The following RNPEP variants were observed in gnomAD, a reference collection of about 807,000 sequenced individuals.
The protein encoded by RNPEP is aminopeptidase B.
Under a neutral mutation model 70.1 loss-of-function variants are expected in RNPEP, and 57 were observed. That is an observed-to-expected ratio of 0.81 (90% confidence interval 0.66 to 1.01). The LOEUF is 1.01. Among genes scored for constraint, RNPEP ranks in the 50% least tolerant of loss-of-function variants. RNPEP has a pLI of 0.00. For missense variants in RNPEP, 787 were observed against 852.4 expected (o/e 0.92, Z 0.96); for synonymous variants, 335 against 357.4 (o/e 0.94, Z 0.71).
Position 201,996,020 on chromosome 1 carries a change from G to C in RNPEP, c.738-127G>C, listed in dbSNP as rs115106533. On this transcript the variant is annotated intron_variant, in intron 3 of 10. Coordinates refer to ENST00000295640, the MANE Select transcript of RNPEP (RefSeq NM_020216.4). ...GTGTGGTGATCCGATCTTGCACTCC[G>C]TCACTGTGGCTGACTGCATTGTCAC... 1,029 of 687,466 alleles carry C rather than the reference G, an allele frequency of 1.5e-3. 11 individuals are homozygous for C. In the African/African-American group the frequency reaches 0.016, roughly 11 times the overall value. The allele number at this position is 687,466 out of a possible 1,614,324, so 42.6% of individuals were successfully genotyped here.
intron 3 of RNPEP, among the ~76,000 whole-genome samples, chr1:201,994,733 C>G (rs1683480814): frequency 6.7e-6 from 1 of 149,162 alleles, no homozygotes; most frequent in African/African-American, 2.5e-5. Context: ...ATGGTGCAAT[C>G]TTGGCTCCCC....
chr1:202,000,259 C>T, intron 6 of RNPEP: 1 of 398,870 alleles, frequency 2.5e-6, no homozygotes, highest in Non-Finnish European at 4.5e-6. Context: ...TTTGCATTTG[C>T]ACAAGTCCAT....
chr1:201,998,259 A>AAATTAT (rs1683644622), intron 5 of RNPEP, among the ~76,000 whole-genome samples: 1 of 113,726 alleles, frequency 8.8e-6, no homozygotes, highest in African/African-American at 3.5e-5. Context: ...TTTGAGACAG[A>AAATTAT]GTCTTGTTCT....
At chr1:202,005,396 GAA>G (rs1684016250) in intron 10 of RNPEP, among the ~76,000 whole-genome samples, 160 bp from the exon 11 acceptor site, 1 of 152,180 alleles carries the variant, frequency 6.6e-6, no homozygotes, top group Non-Finnish European at 1.5e-5. Flanking sequence ...GAAGATGCCT[GAA>G]TTAGAGCACT....
chr1:201,989,372 T>G lies in RNPEP; in HGVS notation c.589-11T>G. 1.2e-6 allele frequency: 2 copies of G among 1,612,808 alleles called. No homozygotes were observed. The highest frequency in any genetic ancestry group is 1.7e-6 in the Non-Finnish European group (2 of 1,179,618). Reference sequence around the variant, plus strand: ...TCCAGGTAAAATCTCCTAAGCTTTCTCTGTTGTCAGGTCCCAGATGGCTTC... The same window carrying G: ...TCCAGGTAAAATCTCCTAAGCTTTCGCTGTTGTCAGGTCCCAGATGGCTTC... On this transcript the variant is annotated splice_polypyrimidine_tract_variant and intron_variant, in intron 2 of 10. Coordinates refer to ENST00000295640, the MANE Select transcript of RNPEP (RefSeq NM_020216.4).
chr1:201,983,830 G>T, intron 1 of RNPEP: 1 of 1,046,052 alleles, frequency 9.6e-7, no homozygotes, highest in Non-Finnish European at 1.2e-6. Flanking sequence ...GTCTGTAAGA[G>T]TCAGAAAATC....
intron 1 of RNPEP, among the ~76,000 whole-genome samples, chr1:201,988,179 G>T (rs558459233): frequency 2.6e-5 from 4 of 151,044 alleles, no homozygotes; most frequent in Non-Finnish European, 5.9e-5. Flanking sequence ...TGTATATTAG[G>T]CTGAGCATGA....
intron 1 of RNPEP, among the ~76,000 whole-genome samples, chr1:201,984,845 T>C (rs867394295): frequency 0.037 from 4,810 of 130,232 alleles, 560 homozygotes; most frequent in African/African-American, 0.11. Context: ...TTTTTTTTTT[T>C]TTTTTTTTTT....
At chr1:201,991,619 G>C (rs79486142) in intron 3 of RNPEP, among the ~76,000 whole-genome samples, 1,950 of 152,332 alleles carry the variant, frequency 0.013, 51 homozygotes, top group African/African-American at 0.044. Flanking sequence ...AGGCTGTGGT[G>C]AGTGGCTTGT....
Position 201,989,611 on chromosome 1 carries a change from G to A in RNPEP, c.737+80G>A. 2.7e-6 allele frequency: 4 copies of A among 1,503,950 alleles called. No homozygotes were observed. In the Admixed American group the frequency reaches 5.4e-5, roughly 20 times the overall value. The allele number at this position is 1,503,950 out of a possible 1,614,324, so 93.2% of individuals were successfully genotyped here. On this transcript the variant is annotated intron_variant, in intron 3 of 10. Coordinates refer to ENST00000295640, the MANE Select transcript of RNPEP (RefSeq NM_020216.4). Reference sequence around the variant, plus strand: ...ACTCTGACCAGTGGACCTGCTGGGGGGGTTCTTGGGCAGTCTTGGATCCTC... The same window carrying A: ...ACTCTGACCAGTGGACCTGCTGGGGAGGTTCTTGGGCAGTCTTGGATCCTC...
intron 1 of RNPEP, among the ~76,000 whole-genome samples, chr1:201,986,536 C>CTTTTT (rs374147270): frequency 3.7e-5 from 3 of 80,590 alleles, no homozygotes. Context: ...CATTTTCTTT[C>CTTTTT]TTTTTTTTTT....
At chr1:201,992,014 G>A (rs907513428) in intron 3 of RNPEP, among the ~76,000 whole-genome samples, 3 of 151,544 alleles carry the variant, frequency 2.0e-5, no homozygotes, top group African/African-American at 2.4e-5. Context: ...GGTTTCTTGT[G>A]CCTTTCTCCC....
intron 1 of RNPEP, among the ~76,000 whole-genome samples, chr1:201,984,123 A>C (rs1262399916): frequency 2.6e-5 from 4 of 152,010 alleles, no homozygotes; most frequent in African/African-American, 9.7e-5. Flanking sequence ...GTAGAGACAA[A>C]ATTTCACCAT....
At chr1:201,985,537 A>T (rs1683103070) in intron 1 of RNPEP, among the ~76,000 whole-genome samples, 1 of 152,190 alleles carries the variant, frequency 6.6e-6, no homozygotes, top group Non-Finnish European at 1.5e-5. Context: ...GACTACAAGC[A>T]TGAGCCAACA....
At chr1:202,004,296 A>C in intron 9 of RNPEP, 58 bp from the exon 10 acceptor site, 1 of 1,587,554 alleles carries the variant, frequency 6.3e-7, no homozygotes, top group Non-Finnish European at 8.6e-7. Context: ...CCAAAATTCT[A>C]GTATTACAGG....
intron 3 of RNPEP, among the ~76,000 whole-genome samples, chr1:201,993,883 G>T (rs4950812): frequency 0.95 from 144,848 of 151,758 alleles, 69,205 homozygotes; most frequent in East Asian, 1. Context: ...GCATGTATAC[G>T]CACTGGCTGC....
At chr1:201,985,174 C>T (rs1397566716) in intron 1 of RNPEP, among the ~76,000 whole-genome samples, 3 of 142,144 alleles carry the variant, frequency 2.1e-5, no homozygotes. Flanking sequence ...GCCTGGGTGA[C>T]ACAGCGAGGC....
rs752329804 is a variant in RNPEP at position 201,996,213 on chromosome 1, A to G, written c.804A>G (p.Glu268=). ...AGGAGGAGTACAACGGGGTGATAGA[A>G]GAATTTTTGGCAACAGGAGAGAAGC... ...AAKEEYNGVI[E]EFLATGEKLF... is the part of the protein sequence containing the mutation. Residue 268 remains glutamate, a synonymous_variant, in exon 4 of 11, where the codon GAA becomes GAG. Transcript: ENST00000295640. The G allele has an allele frequency of 6.2e-7, 1 of 1,614,084 alleles. No homozygotes were observed. Among genetic ancestry groups the G allele is most frequent in the South Asian group, 1.1e-5 (1 of 91,092 alleles).
chr1:201,983,799 G>T, intron 1 of RNPEP: 8 of 1,103,148 alleles, frequency 7.3e-6, no homozygotes, highest in Non-Finnish European at 8.9e-6. Context: ...GGAAATAAGA[G>T]GATGGAGTTA....
Sources: allele counts gnomAD v4.1 joint callset (sites outside exome capture counted in the v4.1 genomes callset), GRCh38; gene constraint gnomAD v4.1.1; transcripts MANE v1.5; gene names NCBI Gene and HGNC (gene_info 2026-07-23, HGNC 2026-07-21).